BRI3BP: variants seen among roughly 807,000 people sequenced by gnomAD.
BRI3BP encodes BRI3-binding protein.
Under a neutral mutation model 15.8 loss-of-function variants are expected in BRI3BP, and 7 were observed. That is an observed-to-expected ratio of 0.44 (90% CI 0.25 to 0.83). The LOEUF (loss-of-function observed/expected upper bound fraction) is 0.83. Among genes scored for constraint, BRI3BP ranks in the 40% least tolerant of loss-of-function variants. The probability of loss-of-function intolerance (pLI) is 0.20; values close to 1 mark genes in which losing one functional copy is unlikely to be tolerated. For synonymous variants in BRI3BP, 192 were observed against 163.5 expected, an observed-to-expected ratio of 1.17 and a Z score of -1.33; for missense variants, 320 against 339.3, an observed-to-expected ratio of 0.94 and a Z score of 0.45.
rs1955357231 is a variant in BRI3BP, at chr12:125,026,706, C to T, written c.*1276C>T. 1 of 152,218 alleles carries T rather than the reference C, an allele frequency of 6.6e-6. No homozygotes were observed. Among genetic ancestry groups the T allele is most frequent in the South Asian group, 2.1e-4 (1 of 4,826 alleles). The allele number at this position is 152,218 out of a possible 1,614,324, so 9.4% of individuals were successfully genotyped here. ...GTGGCTGATGCCTGTAATCCCAGCG[C>T]TTTGGGAGGCCGAGGAGTATGGATC... On this transcript the variant is annotated 3_prime_UTR_variant, in exon 3 of 3. Coordinates refer to ENST00000341446, the MANE Select transcript of BRI3BP (RefSeq NM_080626.6).
chr12:125,044,099 T>C, the BRI3BP span, among the ~76,000 whole-genome samples: 1 of 151,740 alleles, frequency 6.6e-6, no homozygotes, highest in Non-Finnish European at 1.5e-5. Flanking sequence ...AAATTGACGA[T>C]GTTGGGATTA....
rs573931432 is a variant in BRI3BP, at chr12:125,017,657, C to T, written c.316+5021C>T. Among the ~76,000 whole-genome samples, 9 of 152,198 alleles carry T rather than the reference C, an allele frequency of 5.9e-5. No homozygotes were observed. The East Asian group carries it at 1.7e-3, about 29-fold the overall frequency. On this transcript the variant is annotated intron_variant, in intron 2 of 2. Coordinates refer to ENST00000341446, the MANE Select transcript of BRI3BP (RefSeq NM_080626.6). Reference sequence around the variant, plus strand: ...CACGATAGATGGCACAGCCTTTGTCCCCATTCTAGATCTGCTGGCACAGAG... The same window carrying T: ...CACGATAGATGGCACAGCCTTTGTCTCCATTCTAGATCTGCTGGCACAGAG...
At chr12:125,019,140 G>A (rs1343573535) in intron 2 of BRI3BP, among the ~76,000 whole-genome samples, 1 of 152,168 alleles carries the variant, frequency 6.6e-6, no homozygotes, top group African/African-American at 2.4e-5. Flanking sequence ...TTACAGACAT[G>A]AGCCACTGCG....
At chr12:125,022,990 G>T (rs1015742053) in intron 2 of BRI3BP, among the ~76,000 whole-genome samples, 2 of 152,174 alleles carry the variant, frequency 1.3e-5, no homozygotes, top group Non-Finnish European at 2.9e-5. Context: ...GTTCAGTCTA[G>T]TTGGTTTCAA....
intron 1 of BRI3BP, among the ~76,000 whole-genome samples, chr12:125,002,327 A>AAGG (rs201576280): frequency 0.061 from 9,164 of 150,744 alleles, 406 homozygotes; most frequent in Admixed American, 0.14. Context: ...GCCTACCAGC[A>AAGG]TGTGGGGCCT....
intron 2 of BRI3BP, among the ~76,000 whole-genome samples, chr12:125,016,842 T>C (rs1027421264): frequency 8.2e-6 from 1 of 121,552 alleles, no homozygotes; most frequent in African/African-American, 3.1e-5. Context: ...TTTTTTTTTT[T>C]TTTTTTTTTT....
chr12:125,029,577 T>TACAC lies in BRI3BP; in HGVS notation c.*4148_*4149insCACA, dbSNP rs1200310919. The TACAC allele has an allele frequency of 6.9e-6, 1 of 145,920 alleles. No homozygotes were observed. The highest frequency in any genetic ancestry group is 6.8e-5 in the Admixed American group (1 of 14,668). The allele number at this position is 145,920 out of a possible 1,614,324, so 9.0% of individuals were successfully genotyped here. On this transcript the variant is annotated 3_prime_UTR_variant, in exon 3 of 3. Coordinates refer to ENST00000341446, the MANE Select transcript of BRI3BP (RefSeq NM_080626.6). ...GTGTGTGTATATATATGTATATATA[T>TACAC]ATACACACACACACACTTTCCAATA...
At chr12:125,038,678 T>C in the BRI3BP span, among the ~76,000 whole-genome samples, 2 of 152,094 alleles carry the variant, frequency 1.3e-5, no homozygotes, top group African/African-American at 4.8e-5. Flanking sequence ...GGCAGGAGAA[T>C]TGTTTGAACC....
chr12:125,037,479 G>A, the BRI3BP span, among the ~76,000 whole-genome samples: 7 of 152,214 alleles, frequency 4.6e-5, no homozygotes, highest in Non-Finnish European at 1.0e-4. Context: ...CCTGGAGGAA[G>A]TCCCATCTGT....
chr12:125,018,849 CTGTTTT>C (rs923518718), intron 2 of BRI3BP, among the ~76,000 whole-genome samples: 5 of 151,436 alleles, frequency 3.3e-5, no homozygotes, highest in East Asian at 1.9e-4. Flanking sequence ...CTGGCTAATT[CTGTTTT>C]TGTTTTTGTT....
chr12:125,017,634 C>T (rs1055588925), intron 2 of BRI3BP, among the ~76,000 whole-genome samples: 3 of 152,128 alleles, frequency 2.0e-5, no homozygotes, highest in Admixed American at 6.6e-5. Context: ...GCTCAGCACA[C>T]GATAGATGGC....
At chr12:125,015,986 G>T (rs1955239618) in intron 2 of BRI3BP, among the ~76,000 whole-genome samples, 1 of 152,144 alleles carries the variant, frequency 6.6e-6, no homozygotes, top group African/African-American at 2.4e-5. Flanking sequence ...GAACCCTGGA[G>T]AAACAAACCT....
At chr12:124,996,251 G>T (rs1955039820) in intron 1 of BRI3BP, among the ~76,000 whole-genome samples, 1 of 151,988 alleles carries the variant, frequency 6.6e-6, no homozygotes, top group African/African-American at 2.4e-5. Flanking sequence ...AGCCCACACT[G>T]GCCAGGCTTG....
At chr12:125,000,953 A>G (rs1955086305) in intron 1 of BRI3BP, among the ~76,000 whole-genome samples, 1 of 152,202 alleles carries the variant, frequency 6.6e-6, no homozygotes, top group African/African-American at 2.4e-5. Context: ...AAAAAATCCA[A>G]CACCCAGTCA....
chr12:125,005,965 GC>G (rs1357255003), intron 1 of BRI3BP, among the ~76,000 whole-genome samples: 4 of 152,094 alleles, frequency 2.6e-5, no homozygotes, highest in African/African-American at 9.7e-5. Flanking sequence ...AGCTCGAGGT[GC>G]CAGGGTTGCT....
At chr12:125,041,298 C>G in the BRI3BP span, among the ~76,000 whole-genome samples, 1 of 152,068 alleles carries the variant, frequency 6.6e-6, no homozygotes, top group African/African-American at 2.4e-5. Flanking sequence ...TCTCGTGATC[C>G]ACCTGCCTCG....
At chr12:125,016,480 G>A (rs971350187) in intron 2 of BRI3BP, among the ~76,000 whole-genome samples, 1 of 120,430 alleles carries the variant, frequency 8.3e-6, no homozygotes, top group South Asian at 2.8e-4. Flanking sequence ...AGAGTAAAAA[G>A]AAATGGTGAA....
the BRI3BP span, among the ~76,000 whole-genome samples, chr12:125,049,696 G>T: frequency 1.3e-5 from 2 of 152,346 alleles, no homozygotes; most frequent in East Asian, 3.9e-4. Context: ...GGGAGGTGCG[G>T]CCTATGAACC....
At position 125,029,626 on chromosome 12, in the gene BRI3BP, G is replaced by A. The variant is rs1258778591; in HGVS notation, c.*4196G>A. 2 of 151,318 alleles carry A rather than the reference G, an allele frequency of 1.3e-5. No individual in the cohort carries two copies. Among genetic ancestry groups the A allele is most frequent in the Admixed American group, 1.3e-4 (2 of 15,156 alleles). 9.4% of individuals were successfully genotyped at this position (151,318 alleles called of 1,614,324 possible). On this transcript the variant is annotated 3_prime_UTR_variant, in exon 3 of 3. Coordinates refer to ENST00000341446, the MANE Select transcript of BRI3BP (RefSeq NM_080626.6). ...TACCAGTCGGCATTACCCGCCCTTTGGTTTCTTTTGCTTTGGATTTCAGCC... is the reference window on the plus strand; with the variant it reads ...TACCAGTCGGCATTACCCGCCCTTTAGTTTCTTTTGCTTTGGATTTCAGCC...
Sources: allele counts gnomAD v4.1 joint callset (sites outside exome capture counted in the v4.1 genomes callset), GRCh38; gene constraint gnomAD v4.1.1; transcripts MANE v1.5; gene names NCBI Gene and HGNC (gene_info 2026-07-23, HGNC 2026-07-21).